DCLK1: variants seen among roughly 807,000 people sequenced by gnomAD.
DCLK1 encodes the protein doublecortin like kinase 1, also known as serine/threonine-protein kinase DCLK1.
A neutral mutation model predicts 86.2 loss-of-function variants in DCLK1; 16 were observed. The ratio of observed to expected loss-of-function variants is 0.19; its 90% CI spans 0.13 to 0.28. DCLK1 has a LOEUF of 0.28. Among genes scored for constraint, DCLK1 ranks in the 10% least tolerant of loss-of-function variants. The pLI, the probability that DCLK1 is intolerant of heterozygous loss-of-function variation, is 1.00. For synonymous variants in DCLK1, 369 were observed against 370.5 expected, an observed-to-expected ratio of 1.00 and a Z score of 0.05; for missense variants, 590 against 940.2, an observed-to-expected ratio of 0.63 and a Z score of 4.87.
chr13:35,872,856 T>C (rs772942189), intron 4 of DCLK1, among the ~76,000 whole-genome samples: 2 of 152,226 alleles, frequency 1.3e-5, no homozygotes, highest in Admixed American at 6.5e-5. Context: ...GGTTTTTGTT[T>C]GCTTTTTATA....
intron 5 of DCLK1, among the ~76,000 whole-genome samples, chr13:35,859,437 G>C (rs1871259552): frequency 6.6e-6 from 1 of 152,208 alleles, no homozygotes; most frequent in Non-Finnish European, 1.5e-5. Context: ...ATACCATGAT[G>C]ACCAATTAAC....
At chr13:35,791,409 G>A (rs2086705517) in intron 16 of DCLK1, among the ~76,000 whole-genome samples, 1 of 152,040 alleles carries the variant, frequency 6.6e-6, no homozygotes, top group African/African-American at 2.4e-5. Flanking sequence ...AACCGTGTTA[G>A]TGATGAATTG....
chr13:35,867,909 A>AAGAGAGAGGGAGAAAGAGAGAGAGAG (rs1555345719), intron 5 of DCLK1, among the ~76,000 whole-genome samples: 3 of 102,374 alleles, frequency 2.9e-5, no homozygotes, highest in African/African-American at 4.0e-5. Context: ...GAAAGAAAGA[A>AAGAGAGAGGGAGAAAGAGAGAGAGAG]AAAGAAAGAA....
chr13:36,007,967 A>G (rs2153147214), intron 3 of DCLK1, among the ~76,000 whole-genome samples: 1 of 152,140 alleles, frequency 6.6e-6, no homozygotes, highest in African/African-American at 2.4e-5. Context: ...CTATAAAGGC[A>G]ATCCTAAGGA....
intron 3 of DCLK1, 52 bp downstream of exon 3, chr13:36,111,817 A>C (rs1885628901): frequency 1.3e-6 from 2 of 1,533,106 alleles, no homozygotes; most frequent in East Asian, 4.5e-5. Flanking sequence ...ACACCCTCCG[A>C]CTCCCTGGTT....
At chr13:35,868,154 C>T (rs955387810) in intron 5 of DCLK1, among the ~76,000 whole-genome samples, 1 of 151,958 alleles carries the variant, frequency 6.6e-6, no homozygotes, top group South Asian at 2.1e-4. Flanking sequence ...TCCCGAGTAG[C>T]TGGGACTACA....
intron 4 of DCLK1, among the ~76,000 whole-genome samples, chr13:35,922,591 G>A (rs1875864398): frequency 6.6e-6 from 1 of 152,118 alleles, no homozygotes; most frequent in Non-Finnish European, 1.5e-5. Flanking sequence ...AAAAAGCACT[G>A]CGCAAACTGC....
chr13:35,867,909 A>AAAAGGAAGAAAGAAAGAAAGAAAG (rs1871934010), intron 5 of DCLK1, among the ~76,000 whole-genome samples: 1 of 102,374 alleles, frequency 9.8e-6, no homozygotes, highest in Non-Finnish European at 1.9e-5. Flanking sequence ...GAAAGAAAGA[A>AAAAGGAAGAAAGAAAGAAAGAAAG]AAAGAAAGAA....
intron 3 of DCLK1, among the ~76,000 whole-genome samples, chr13:35,979,916 T>G (rs1401702299): frequency 6.6e-6 from 1 of 152,206 alleles, no homozygotes; most frequent in Non-Finnish European, 1.5e-5. Flanking sequence ...GAAAAACATA[T>G]TACAACTCAA....
intron 3 of DCLK1, among the ~76,000 whole-genome samples, chr13:36,041,935 A>G (rs1194973405): frequency 6.6e-6 from 1 of 152,194 alleles, no homozygotes; most frequent in African/African-American, 2.4e-5. Flanking sequence ...GACTCTATCT[A>G]TAAGGAATTT....
chr13:36,126,046 G>T lies in DCLK1; in HGVS notation c.92C>A (p.Pro31Gln). Reference protein sequence around the residue: ...YSRGSRVNGLPSPTHSAHCSF... With the variant: ...YSRGSRVNGLQSPTHSAHCSF... The stretch of plus-strand genomic sequence containing the variant: ...GCAGTGGGCGCTGTGCGTCGGGCTC[G>T]GCAGGCCGTTCACCCGCGACCCTCG... Residue 31 changes from proline (P) to glutamine (Q), a missense_variant, in exon 2 of 17, where the codon CCG becomes CAG. Around this residue, in one of 6 missense-constraint regions of DCLK1, gnomAD observed 50 missense variants for 47.8 expected, o/e 1.05. Coordinates refer to ENST00000360631, the MANE Select transcript of DCLK1 (RefSeq NM_001330071.2). 6.2e-7 allele frequency: 1 copy of T among 1,613,580 alleles called. No individual in the cohort carries two copies. The highest frequency in any genetic ancestry group is 8.5e-7 in the Non-Finnish European group (1 of 1,179,994).
intron 5 of DCLK1, among the ~76,000 whole-genome samples, chr13:35,861,259 A>T (rs1871364100): frequency 6.6e-6 from 1 of 152,286 alleles, no homozygotes; most frequent in Non-Finnish European, 1.5e-5. Context: ...TTAATTAAAC[A>T]ATAAAAAAAG....
At chr13:36,118,644 G>C (rs1400977109) in intron 2 of DCLK1, among the ~76,000 whole-genome samples, 1 of 152,112 alleles carries the variant, frequency 6.6e-6, no homozygotes, top group Non-Finnish European at 1.5e-5. Context: ...AAATGTCTTA[G>C]CAGAATCAAC....
intron 3 of DCLK1, among the ~76,000 whole-genome samples, chr13:36,008,020 T>C (rs1881066109): frequency 6.6e-6 from 1 of 151,854 alleles, no homozygotes; most frequent in South Asian, 2.1e-4. Flanking sequence ...CACATATATA[T>C]TTAGGTTTCT....
At chr13:35,992,908 A>T (rs1880301167) in intron 3 of DCLK1, among the ~76,000 whole-genome samples, 1 of 152,076 alleles carries the variant, frequency 6.6e-6, no homozygotes, top group Admixed American at 6.6e-5. Context: ...CTACTCCCCC[A>T]TCAGTGATCT....
intron 3 of DCLK1, among the ~76,000 whole-genome samples, chr13:35,969,224 T>TA (rs1372844234): frequency 1.3e-5 from 2 of 152,174 alleles, no homozygotes; most frequent in Admixed American, 1.3e-4. Flanking sequence ...GCCACAAAGA[T>TA]ACATCCAAGT....
chr13:35,996,154 C>T (rs1442222892), intron 3 of DCLK1, among the ~76,000 whole-genome samples: 1 of 152,122 alleles, frequency 6.6e-6, no homozygotes, highest in African/African-American at 2.4e-5. Context: ...GTTGCAAACT[C>T]CTGACCTCAG....
At chr13:36,014,013 C>T (rs1453395533) in intron 3 of DCLK1, among the ~76,000 whole-genome samples, 1 of 152,222 alleles carries the variant, frequency 6.6e-6, no homozygotes, top group African/African-American at 2.4e-5. Context: ...GGAAAGGGAA[C>T]TCCCTGACCC....
At position 35,929,196 on chromosome 13, in the gene DCLK1, T is replaced by C. The variant is rs189371831; in HGVS notation, c.823+18162A>G. 3.0e-3 allele frequency among the ~76,000 whole-genome samples: 450 copies of C among 152,352 alleles called. 1 individual carries two copies. The highest frequency in any genetic ancestry group is 0.01 in the African/African-American group (419 of 41,576). On this transcript the variant is annotated intron_variant, in intron 4 of 16. Transcript: ENST00000360631. The stretch of plus-strand genomic sequence containing the variant: ...CACCTGCCTCGGCCTCCCAAAGTTC[T>C]AAACACTTTTTAAAAAGCTTATACT...
Sources: allele counts gnomAD v4.1 joint callset (sites outside exome capture counted in the v4.1 genomes callset), GRCh38; gene constraint gnomAD v4.1.1; regional missense constraint gnomAD v4.1.1; transcripts MANE v1.5; gene names NCBI Gene and HGNC (gene_info 2026-07-23, HGNC 2026-07-21).